KCNN2: variants seen among roughly 807,000 people sequenced by gnomAD.
KCNN2 encodes the protein potassium calcium-activated channel subfamily N member 2.
In KCNN2, 24 loss-of-function variants were observed where a neutral mutation model predicts 55.5. The ratio of observed to expected loss-of-function variants is 0.43; its 90% CI spans 0.31 to 0.61. The LOEUF is 0.61. Among genes scored for constraint, KCNN2 ranks in the 20% least tolerant of loss-of-function variants. The pLI is 0.08. For synonymous variants in KCNN2, 431 were observed against 336.1 expected (o/e 1.28, Z -3.09); for missense variants, 754 against 853.6 (o/e 0.88, Z 1.45).
At chr5:114,287,142 A>T (rs1455608920) in intron 2 of KCNN2, among the ~76,000 whole-genome samples, 1 of 152,184 alleles carries the variant, frequency 6.6e-6, no homozygotes, top group Non-Finnish European at 1.5e-5. Flanking sequence ...GTAGAGGGTG[A>T]AAAGCTAGTT....
chr5:114,131,888 A>T (rs972650613), intron 1 of KCNN2, among the ~76,000 whole-genome samples: 2 of 152,344 alleles, frequency 1.3e-5, no homozygotes, highest in East Asian at 3.9e-4. Flanking sequence ...AGTGAAGCTG[A>T]ACTTTTTTTC....
intron 2 of KCNN2, among the ~76,000 whole-genome samples, chr5:114,291,002 G>A (rs963997270): frequency 1.3e-5 from 2 of 151,846 alleles, no homozygotes; most frequent in African/African-American, 4.8e-5. Flanking sequence ...CCTGACATAT[G>A]GTCTATCCAG....
intron 2 of KCNN2, among the ~76,000 whole-genome samples, chr5:114,400,413 A>G (rs1486495623): frequency 1.3e-5 from 2 of 152,170 alleles, no homozygotes; most frequent in African/African-American, 4.8e-5. Context: ...AGAGCTTCCT[A>G]ACTTTTATCC....
chr5:114,157,827 T>C (rs1427533126), intron 1 of KCNN2, among the ~76,000 whole-genome samples: 2 of 151,846 alleles, frequency 1.3e-5, no homozygotes, highest in Non-Finnish European at 2.9e-5. Flanking sequence ...TCTGTTCATT[T>C]CCTTTGCCCA....
At chr5:114,108,863 TTAC>T (rs1377520278) in intron 1 of KCNN2, among the ~76,000 whole-genome samples, 4 of 152,118 alleles carry the variant, frequency 2.6e-5, no homozygotes, top group Admixed American at 2.6e-4. Context: ...GGCATATGTA[TTAC>T]TTTCTCTTGG....
At chr5:114,461,447 T>TC (rs1247002447) in intron 3 of KCNN2, among the ~76,000 whole-genome samples, 1 of 152,082 alleles carries the variant, frequency 6.6e-6, no homozygotes. Context: ...CACATGCCCT[T>TC]CCCTTTGATT....
intron 1 of KCNN2, among the ~76,000 whole-genome samples, chr5:114,056,654 A>G (rs1750215725): frequency 6.6e-6 from 1 of 152,080 alleles, no homozygotes. Flanking sequence ...TACCTTAAAA[A>G]GAAACATTCT....
chr5:114,490,302 C>G (rs527400697), intron 6 of KCNN2, among the ~76,000 whole-genome samples: 1 of 152,038 alleles, frequency 6.6e-6, no homozygotes, highest in Non-Finnish European at 1.5e-5. Flanking sequence ...TGTACCCCCC[C>G]AAAAAAATTA....
At chr5:114,347,678 T>C (rs769142589) in intron 2 of KCNN2, among the ~76,000 whole-genome samples, 1 of 152,234 alleles carries the variant, frequency 6.6e-6, no homozygotes, top group Non-Finnish European at 1.5e-5. Flanking sequence ...AGTTTTCTTT[T>C]GACTCTTGAT....
chr5:114,202,525 G>A (rs1330076152), intron 1 of KCNN2, among the ~76,000 whole-genome samples: 1 of 139,334 alleles, frequency 7.2e-6, no homozygotes, highest in Non-Finnish European at 1.5e-5. Flanking sequence ...ATAGCCTAAT[G>A]TATATATGCC....
intron 2 of KCNN2, among the ~76,000 whole-genome samples, chr5:114,251,940 G>A (rs2112627362): frequency 6.9e-6 from 1 of 145,346 alleles, no homozygotes; most frequent in African/African-American, 2.5e-5. Flanking sequence ...GTGTAGTGGT[G>A]TGATCTTGGC....
chr5:114,059,768 G>A (rs1400816099), intron 1 of KCNN2, among the ~76,000 whole-genome samples: 1 of 152,208 alleles, frequency 6.6e-6, no homozygotes, highest in African/African-American at 2.4e-5. Flanking sequence ...GAAGACACAG[G>A]ATGGCCAGGA....
At chr5:114,116,887 AC>A (rs1301960686) in intron 1 of KCNN2, among the ~76,000 whole-genome samples, 1 of 152,092 alleles carries the variant, frequency 6.6e-6, no homozygotes, top group Non-Finnish European at 1.5e-5. Flanking sequence ...CTGGACAGTT[AC>A]CCATTTCTGT....
At chr5:114,212,051 A>T (rs1225986772) in intron 1 of KCNN2, among the ~76,000 whole-genome samples, 1 of 151,860 alleles carries the variant, frequency 6.6e-6, no homozygotes, top group East Asian at 1.9e-4. Context: ...TGTTAAGTGT[A>T]TATCTTATAC....
intron 7 of KCNN2, among the ~76,000 whole-genome samples, chr5:114,495,665 G>A (rs1341307158): frequency 6.6e-6 from 1 of 152,188 alleles, no homozygotes; most frequent in Non-Finnish European, 1.5e-5. Flanking sequence ...ACCAGTAGCA[G>A]TACCTGCTCC....
intron 1 of KCNN2, among the ~76,000 whole-genome samples, chr5:114,119,505 C>A (rs1039546128): frequency 2.0e-5 from 3 of 152,144 alleles, no homozygotes; most frequent in Admixed American, 6.5e-5. Context: ...TTTTTAACCA[C>A]CGTTATTTGG....
chr5:114,110,137 C>A (rs77936833), intron 1 of KCNN2, among the ~76,000 whole-genome samples: 2,499 of 152,158 alleles, frequency 0.016, 53 homozygotes, highest in African/African-American at 0.056. Flanking sequence ...TCAGACTTTC[C>A]AGCCTCAGGA....
intron 1 of KCNN2, among the ~76,000 whole-genome samples, chr5:114,172,768 T>G (rs1753064598): frequency 6.6e-6 from 1 of 151,704 alleles, no homozygotes; most frequent in Non-Finnish European, 1.5e-5. Flanking sequence ...ATCTTTTGCC[T>G]GTTTTTTAAT....
At chr5:114,459,501 A>G (rs1761092493) in intron 3 of KCNN2, among the ~76,000 whole-genome samples, 1 of 152,212 alleles carries the variant, frequency 6.6e-6, no homozygotes, top group Non-Finnish European at 1.5e-5. Flanking sequence ...AAACCTGGGG[A>G]TGTTCAAAAT....
Sources: allele counts gnomAD v4.1 joint callset (sites outside exome capture counted in the v4.1 genomes callset), GRCh38; gene constraint gnomAD v4.1.1; transcripts MANE v1.5; gene names NCBI Gene and HGNC (gene_info 2026-07-23, HGNC 2026-07-21).